Variants in SEMA4F observed in about 807,000 individuals in gnomAD.
The protein encoded by SEMA4F is ssemaphorin 4F.
A neutral mutation model predicts 78.4 loss-of-function variants in SEMA4F; 51 were observed. The ratio of observed to expected loss-of-function variants is 0.65; its 90% CI spans 0.52 to 0.82. The LOEUF (loss-of-function observed/expected upper bound fraction) is 0.82. SEMA4F is among the 40% of genes least tolerant of loss of function. The probability of loss-of-function intolerance (pLI) is 0.00; values close to 1 mark genes in which losing one functional copy is unlikely to be tolerated. For missense variants in SEMA4F, 938 were observed against 1,014.4 expected (o/e 0.92, Z 1.02); for synonymous variants, 418 against 408.7 (o/e 1.02, Z -0.27).
chr2:74,654,359 G>C lies in SEMA4F; in HGVS notation c.-18G>C. Reference sequence around the variant, plus strand: ...AGGCCGTAGCTTGCGCCGCACCCGCGGCCAGGCGGAGCCAAAGATGCCGGC... The same window carrying C: ...AGGCCGTAGCTTGCGCCGCACCCGCCGCCAGGCGGAGCCAAAGATGCCGGC... On this transcript the variant is annotated 5_prime_UTR_variant, in exon 1 of 14. Coordinates refer to ENST00000357877, the MANE Select transcript of SEMA4F (RefSeq NM_004263.5). The C allele has an allele frequency of 6.8e-7, 1 of 1,475,110 alleles. No homozygotes were observed. The highest frequency in any genetic ancestry group is 8.9e-7 in the Non-Finnish European group (1 of 1,120,448). 91.4% of individuals were successfully genotyped at this position (1,475,110 alleles called of 1,614,324 possible).
downstream of SEMA4F, among the ~76,000 whole-genome samples, chr2:74,686,711 A>G (rs536805704): frequency 2.6e-5 from 4 of 152,344 alleles, no homozygotes; most frequent in Admixed American, 2.0e-4. Context: ...AAAAGAATGA[A>G]TTCATGTCCT....
the SEMA4F span, among the ~76,000 whole-genome samples, chr2:74,693,322 A>G: frequency 6.6e-6 from 1 of 152,136 alleles, no homozygotes; most frequent in South Asian, 2.1e-4. Flanking sequence ...TTCTTATTTC[A>G]GCATGTTGGC....
chr2:74,674,624 C>T lies in SEMA4F; in HGVS notation c.949C>T (p.Pro317Ser), dbSNP rs1389209066. 1.2e-6 allele frequency: 2 copies of T among 1,613,998 alleles called. No individual in the cohort carries two copies. Among genetic ancestry groups the T allele is most frequent in the Non-Finnish European group, 1.7e-6 (2 of 1,180,008 alleles). The part of the protein sequence containing the change: ...SVLQDVAVLR[P>S]ELGAGTPIFY... ...CCTGCAGGATGTTGCTGTGCTTCGA[C>T]CTGAGCTTGGGGCAGGGACTCCCAT... is the stretch of plus-strand genomic sequence containing the variant. Residue 317 changes from proline to serine, a missense_variant, in exon 8 of 14, where the codon CCT becomes TCT. By Grantham distance (74) the Pro-to-Ser change is moderately conservative (BLOSUM62 -1). Transcript: ENST00000357877.
chr2:74,672,203 C>T (rs1011397945), intron 5 of SEMA4F, among the ~76,000 whole-genome samples: 4 of 152,206 alleles, frequency 2.6e-5, no homozygotes, highest in African/African-American at 9.6e-5. Flanking sequence ...ACTGGCCCTG[C>T]CCAGCAGCCT....
Position 74,674,528 on chromosome 2 carries a change from C to G in SEMA4F, c.853C>G (p.Gln285Glu). Reference protein sequence around the residue: ...GDLGGRKTLQQRWTTFLKADL... With the variant: ...GDLGGRKTLQERWTTFLKADL... ...CCTCGGGGGCCGGAAGACCCTCCAG[C>G]AGAGATGGACGACGTTTTTGAAAGC... The change falls in exon 8 of 14, where the codon CAG (glutamine) becomes GAG (glutamate). Residue 285 changes from glutamine (Q) to glutamate (E), a missense_variant. Physicochemically the swap from Gln to Glu is conservative, Grantham distance 29 (BLOSUM62 2). Transcript: ENST00000357877. 1 of 1,613,942 alleles carries G rather than the reference C, an allele frequency of 6.2e-7. No individual in the cohort carries two copies. Among genetic ancestry groups the G allele is most frequent in the South Asian group, 1.1e-5 (1 of 91,034 alleles).
At chr2:74,657,748 A>G (rs1573225565) in intron 3 of SEMA4F, 105 bp from the exon 4 acceptor site, 3 of 1,367,480 alleles carry the variant, frequency 2.2e-6, no homozygotes, top group East Asian at 2.3e-5. Flanking sequence ...CCATGCCATC[A>G]CCCATCATCT....
chr2:74,701,032 C>T, the SEMA4F span, among the ~76,000 whole-genome samples: 1 of 152,098 alleles, frequency 6.6e-6, no homozygotes, highest in Non-Finnish European at 1.5e-5. Flanking sequence ...TTCAGTAGCC[C>T]CTGATATTTG....
Position 74,673,578 on chromosome 2 carries a change from T to G in SEMA4F, c.670+2T>G. 6.2e-7 allele frequency: 1 copy of G among 1,613,632 alleles called. No individual in the cohort carries two copies. The highest frequency in any genetic ancestry group is 1.1e-5 in the South Asian group (1 of 91,054). The stretch of plus-strand genomic sequence containing the variant: ...ATACCTTGCCTTCCTGGCTGAACGG[T>G]GGGGAGAGGGAGAGGGGTCCTCTGG... On this transcript the variant is annotated splice_donor_variant, in intron 6 of 13. Coordinates refer to ENST00000357877, the MANE Select transcript of SEMA4F (RefSeq NM_004263.5). LOFTEE classifies it high-confidence loss of function.
In SEMA4F at chr2:74,662,779, G is replaced by A; in HGVS notation, c.504G>A (p.Gly168=). 2 of 1,614,202 alleles carry A rather than the reference G, an allele frequency of 1.2e-6. No individual in the cohort carries two copies. The highest frequency in any genetic ancestry group is 1.7e-5 in the Admixed American group (1 of 60,032). The stretch of plus-strand genomic sequence containing the variant: ...TTGAAAGACTTGAGAGTGGCCGGGG[G>A]AAATGTCCTTTTGAGCCAGCTCAGC... ...QQVERLESGR[G]KCPFEPAQRS... The change falls in exon 5 of 14, where the codon GGG becomes GGA. Residue 168 remains glycine (G), a synonymous_variant. Coordinates refer to ENST00000357877, the MANE Select transcript of SEMA4F (RefSeq NM_004263.5).
intron 5 of SEMA4F, among the ~76,000 whole-genome samples, chr2:74,667,110 C>T (rs1031882067): frequency 6.6e-6 from 1 of 152,110 alleles, no homozygotes; most frequent in African/African-American, 2.4e-5. Flanking sequence ...GAAATTGTTT[C>T]TTCAAAACAT....
chr2:74,677,282 C>T (rs927680756), intron 12 of SEMA4F, among the ~76,000 whole-genome samples: 1 of 152,188 alleles, frequency 6.6e-6, no homozygotes, highest in African/African-American at 2.4e-5. Flanking sequence ...AATTTCCATG[C>T]ATCCATCCCT....
the SEMA4F span, among the ~76,000 whole-genome samples, chr2:74,704,920 G>A: frequency 6.6e-6 from 1 of 151,968 alleles, no homozygotes; most frequent in Non-Finnish European, 1.5e-5. Context: ...TCTCCTATGC[G>A]TTTGGTCCTC....
chr2:74,658,096 G>C lies in SEMA4F; in HGVS notation c.456+145G>C. ...GCAACCATTGTGCATGATAAGCATT[G>C]GGTGTAGGGGCTGTCCTCATGGGAT... On this transcript the variant is annotated intron_variant, in intron 4 of 13. Transcript: ENST00000357877. This position sits in a 1 kb window ranked among gnomAD's most constrained non-coding sequence, Gnocchi z 4.3. 1.4e-6 allele frequency: 1 copy of C among 724,012 alleles called. No homozygotes were observed. The highest frequency in any genetic ancestry group is 2.4e-6 in the Non-Finnish European group (1 of 413,316). 44.8% of individuals were successfully genotyped at this position (724,012 alleles called of 1,614,324 possible). A position where few individuals can be genotyped will look rare whatever the true frequency, so the allele number is the denominator to read the frequency against.
intron 7 of SEMA4F, 127 bp from the exon 8 acceptor site, chr2:74,674,371 T>G (rs1242164570): frequency 6.4e-6 from 5 of 776,128 alleles, no homozygotes; most frequent in Non-Finnish European, 1.0e-5. Flanking sequence ...GTCCTTGCAT[T>G]TGTATGTATC....
rs115244978 is a variant in SEMA4F at position 74,672,395 on chromosome 2, C to T, written c.551-1062C>T. Among the ~76,000 whole-genome samples the T allele has an allele frequency of 3.6e-3, 545 of 152,324 alleles. 2 individuals carry two copies. The highest frequency in any genetic ancestry group is 0.012 in the African/African-American group (510 of 41,566). On this transcript the variant is annotated intron_variant, in intron 5 of 13. Transcript: ENST00000357877. ...CCCATATCTGTTGGTCTGTGCCTCC[C>T]GGAATCTGATTACACACTTGTCTTC...
At chr2:74,665,582 A>G (rs1269573116) in intron 5 of SEMA4F, among the ~76,000 whole-genome samples, 1 of 152,126 alleles carries the variant, frequency 6.6e-6, no homozygotes, top group African/African-American at 2.4e-5. Flanking sequence ...CTGAAAAATA[A>G]AAAAAAGTTT....
chr2:74,703,282 T>G, the SEMA4F span, among the ~76,000 whole-genome samples: 1 of 152,166 alleles, frequency 6.6e-6, no homozygotes, highest in South Asian at 2.1e-4. Context: ...AATGCACATT[T>G]TGGTTAAGGA....
the SEMA4F span, among the ~76,000 whole-genome samples, chr2:74,691,906 C>T: frequency 3.5e-4 from 53 of 152,194 alleles, no homozygotes; most frequent in South Asian, 1.7e-3. Flanking sequence ...TCATGCTGGA[C>T]GTATATATGG....
downstream of SEMA4F, among the ~76,000 whole-genome samples, chr2:74,688,382 A>G (rs1190799061): frequency 6.6e-6 from 1 of 152,226 alleles, no homozygotes; most frequent in Non-Finnish European, 1.5e-5. Context: ...TTAAAACACC[A>G]CATTAAAATA....
Sources: gnomAD v4.1 joint callset for allele counts (sites outside exome capture counted in the v4.1 genomes callset) on GRCh38, gnomAD v4.1.1 for gene constraint, Gnocchi (gnomAD v3.1) non-coding constraint, MANE v1.5 for transcripts, NCBI Gene and HGNC (gene_info 2026-07-23, HGNC 2026-07-21) for gene names.